SLCO3A1: variants seen among roughly 807,000 people sequenced by gnomAD.
SLCO3A1 encodes solute carrier organic anion transporter family member 3A1.
Under a neutral mutation model 63.1 loss-of-function variants are expected in SLCO3A1, and 27 were observed. That is an observed-to-expected ratio of 0.43 (90% CI 0.32 to 0.59). The LOEUF (loss-of-function observed/expected upper bound fraction) is 0.59, where lower values mean the gene tolerates loss of function less well. Ranked by LOEUF, SLCO3A1 falls within the 20% of genes least tolerant of loss-of-function variation. SLCO3A1 has a pLI of 0.09. For missense variants in SLCO3A1, 773 were observed against 945.8 expected (o/e 0.82, Z 2.40); for synonymous variants, 473 against 409.9 (o/e 1.15, Z -1.86).
rs773341861 is a variant in SLCO3A1 at position 91,860,173 on chromosome 15, T to C, written c.180+6085T>C. On this transcript the variant is annotated intron_variant, in intron 1 of 9. Coordinates refer to ENST00000318445, the MANE Select transcript of SLCO3A1 (RefSeq NM_013272.4). This position sits in a 1 kb window ranked among gnomAD's most constrained non-coding sequence, Gnocchi z 5.5. ...GGCAGGACTGGCTGGGCGGGGCAGG[T>C]ACCCTGATGCTTCACTTTGGGAGGT... Among the ~76,000 whole-genome samples, 2 of 152,166 alleles carry C rather than the reference T, an allele frequency of 1.3e-5. No individual in the cohort carries two copies. The highest frequency in any genetic ancestry group is 2.9e-5 in the Non-Finnish European group (2 of 68,012).
intron 2 of SLCO3A1, among the ~76,000 whole-genome samples, chr15:91,932,169 G>T (rs1899259146): frequency 6.6e-6 from 1 of 152,100 alleles, no homozygotes; most frequent in Non-Finnish European, 1.5e-5. Context: ...AGTAACTTGT[G>T]CAAAGTCATA....
rs1900712061 is a variant in SLCO3A1 at position 91,967,764 on chromosome 15, C to A, written c.646+51306C>A. Among the ~76,000 whole-genome samples, 1 of 152,186 alleles carries A rather than the reference C, an allele frequency of 6.6e-6. No homozygotes were observed. ...TTTTGGCTGTGTTGTTTTCAAACAGCCTACTTTTGGGGAACCACGAGGACG... is the reference window on the plus strand; with the variant it reads ...TTTTGGCTGTGTTGTTTTCAAACAGACTACTTTTGGGGAACCACGAGGACG... On this transcript the variant is annotated intron_variant, in intron 2 of 9. Transcript: ENST00000318445. This position sits in a 1 kb window ranked among gnomAD's most constrained non-coding sequence, Gnocchi z 4.4.
chr15:92,019,614 T>A (rs2046482290), intron 2 of SLCO3A1, among the ~76,000 whole-genome samples: 1 of 152,182 alleles, frequency 6.6e-6, no homozygotes, highest in South Asian at 2.1e-4. Flanking sequence ...TGGGTAGAAA[T>A]CTAGGGTTGT....
At chr15:91,955,337 CTT>C (rs765442580) in intron 2 of SLCO3A1, among the ~76,000 whole-genome samples, 6 of 143,512 alleles carry the variant, frequency 4.2e-5, no homozygotes, top group African/African-American at 2.5e-5. Flanking sequence ...TTTTCTTTTT[CTT>C]TTTTTTTTTT....
chr15:91,964,271 A>G (rs966134597), intron 2 of SLCO3A1, among the ~76,000 whole-genome samples: 4 of 151,608 alleles, frequency 2.6e-5, no homozygotes, highest in Non-Finnish European at 5.9e-5. Context: ...CTCTAAAAGT[A>G]GATACAACGG....
Position 91,853,859 on chromosome 15 carries a change from G to A in SLCO3A1, c.-50G>A, listed in dbSNP as rs991426714. ...CCCGGCAGCGGCCCCGACACCCGGG[G>A]CGAGCGGGAAAGCGGCAGCGGCGGC... On this transcript the variant is annotated 5_prime_UTR_variant, in exon 1 of 10. Transcript: ENST00000318445. 5 of 1,268,576 alleles carry A rather than the reference G, an allele frequency of 3.9e-6. No homozygotes were observed. The African/African-American group carries it at 6.4e-5, about 16-fold the overall frequency. The allele number at this position is 1,268,576 out of a possible 1,614,324, so 78.6% of individuals were successfully genotyped here.
chr15:92,152,879 G>A (rs747989996), intron 9 of SLCO3A1, among the ~76,000 whole-genome samples: 8 of 152,196 alleles, frequency 5.3e-5, no homozygotes, highest in African/African-American at 7.2e-5. Context: ...CTCCTCATCT[G>A]TGGAGTTGCT....
At chr15:92,027,563 A>G (rs1178546232) in intron 2 of SLCO3A1, among the ~76,000 whole-genome samples, 1 of 152,216 alleles carries the variant, frequency 6.6e-6, no homozygotes, top group Non-Finnish European at 1.5e-5. Context: ...ACAGCACCGC[A>G]GTGCTCTCTA....
chr15:91,909,028 T>G (rs1391381592), intron 1 of SLCO3A1, among the ~76,000 whole-genome samples: 1 of 152,170 alleles, frequency 6.6e-6, no homozygotes, highest in African/African-American at 2.4e-5. Context: ...GCCATTGCAC[T>G]CCAGCCTGCG....
chr15:92,073,813 C>T (rs1279257248), intron 2 of SLCO3A1, among the ~76,000 whole-genome samples: 2 of 152,238 alleles, frequency 1.3e-5, no homozygotes, highest in African/African-American at 2.4e-5. Flanking sequence ...TGTCTTCAGA[C>T]ATGGCTCAGT....
chr15:92,016,254 T>TAGATAGATAGATAGATAGATTAGA, intron 2 of SLCO3A1, among the ~76,000 whole-genome samples: 110 of 95,680 alleles, frequency 1.1e-3, no homozygotes, highest in Non-Finnish European at 1.4e-3. Flanking sequence ...GATAGATAGA[T>TAGATAGATAGATAGATAGATTAGA]TAGATAGATA....
rs752909645 is a variant in SLCO3A1 at position 91,865,200 on chromosome 15, C to G, written c.180+11112C>G. On this transcript the variant is annotated intron_variant, in intron 1 of 9. Coordinates refer to ENST00000318445, the MANE Select transcript of SLCO3A1 (RefSeq NM_013272.4). The surrounding 1 kb of genome is among the most constrained non-coding windows in gnomAD (Gnocchi z 4.6). Reference sequence around the variant, plus strand: ...AGCTCTTTTGTACTTTATTTGGGAACAGGAATAAGTGGGGACTTGACATTT... The same window carrying G: ...AGCTCTTTTGTACTTTATTTGGGAAGAGGAATAAGTGGGGACTTGACATTT... Among the ~76,000 whole-genome samples the G allele has an allele frequency of 6.6e-6, 1 of 152,234 alleles. No individual in the cohort carries two copies. The highest frequency in any genetic ancestry group is 2.4e-5 in the African/African-American group (1 of 41,462).
intron 9 of SLCO3A1, chr15:92,157,128 G>A (rs762677905): frequency 2.6e-5 from 4 of 152,208 alleles, no homozygotes; most frequent in Non-Finnish European, 5.9e-5. Context: ...CTCTAATAGC[G>A]GGCAACAGCA....
At chr15:92,062,804 C>T (rs2047102856) in intron 2 of SLCO3A1, among the ~76,000 whole-genome samples, 1 of 152,162 alleles carries the variant, frequency 6.6e-6, no homozygotes, top group Non-Finnish European at 1.5e-5. Context: ...GCTGGATGCT[C>T]ATTAAGGCTT....
intron 4 of SLCO3A1, among the ~76,000 whole-genome samples, chr15:92,106,334 C>T (rs1235785740): frequency 6.6e-6 from 1 of 152,158 alleles, no homozygotes; most frequent in Non-Finnish European, 1.5e-5. Flanking sequence ...GGAATGCCCC[C>T]GTCCTCATGC....
chr15:91,900,791 G>A lies in SLCO3A1; in HGVS notation c.181-15202G>A, dbSNP rs1898134294. 6.6e-6 allele frequency among the ~76,000 whole-genome samples: 1 copy of A among 152,094 alleles called. No homozygotes were observed. The highest frequency in any genetic ancestry group is 2.4e-5 in the African/African-American group (1 of 41,402). On this transcript the variant is annotated intron_variant, in intron 1 of 9. Transcript: ENST00000318445. This position sits in a 1 kb window ranked among gnomAD's most constrained non-coding sequence, Gnocchi z 4.3. ...GGTGAAATATCTCCTCAAATTACTTGCCTATTTTAAATTGAGTTGTTTGTC... is the reference window on the plus strand; with the variant it reads ...GGTGAAATATCTCCTCAAATTACTTACCTATTTTAAATTGAGTTGTTTGTC...
chr15:92,011,812 A>T (rs1412815987), intron 2 of SLCO3A1, among the ~76,000 whole-genome samples: 4 of 152,240 alleles, frequency 2.6e-5, no homozygotes, highest in Non-Finnish European at 5.9e-5. Flanking sequence ...ATGGGTGAGT[A>T]ACGGCAGTGG....
chr15:91,953,452 C>T (rs1203751604), intron 2 of SLCO3A1, among the ~76,000 whole-genome samples: 1 of 152,084 alleles, frequency 6.6e-6, no homozygotes, highest in Admixed American at 6.5e-5. Flanking sequence ...TGTCAGGCCT[C>T]TTGGGGAGGC....
At chr15:92,157,860 G>GGTATGATCGTGCCCATTGTATAAACA (rs931214754) in intron 9 of SLCO3A1, among the ~76,000 whole-genome samples, 2 of 152,158 alleles carry the variant, frequency 1.3e-5, no homozygotes, top group Non-Finnish European at 2.9e-5. Flanking sequence ...TCTGCCTGAA[G>GGTATGATCGTGCCCATTGTATAAACA]GTATGATCGT....
Sources: allele counts gnomAD v4.1 joint callset (sites outside exome capture counted in the v4.1 genomes callset), GRCh38; gene constraint gnomAD v4.1.1; non-coding constraint Gnocchi (gnomAD v3.1); transcripts MANE v1.5; gene names NCBI Gene and HGNC (gene_info 2026-07-23, HGNC 2026-07-21).